PARD3B: variants seen among roughly 807,000 people sequenced by gnomAD.
The protein encoded by PARD3B is partitioning defective 3 homolog B.
In PARD3B, 103 loss-of-function variants were observed where a neutral mutation model predicts 130.2. The ratio of observed to expected loss-of-function variants is 0.79; its 90% CI spans 0.67 to 0.93. PARD3B has a LOEUF of 0.93. PARD3B is among the 40% of genes least tolerant of loss of function. PARD3B has a pLI of 0.00. For synonymous variants in PARD3B, 583 were observed against 553.2 expected (o/e 1.05, Z -0.76); for missense variants, 1,609 against 1,499.2 (o/e 1.07, Z -1.21).
At chr2:205,608,774 T>G (rs1559266759) in intron 22 of PARD3B, among the ~76,000 whole-genome samples, 2 of 152,246 alleles carry the variant, frequency 1.3e-5, no homozygotes, top group Admixed American at 6.5e-5. Context: ...AACTCAATTC[T>G]TGTATTTGTG....
chr2:204,927,001 T>G (rs1236761245), intron 2 of PARD3B, among the ~76,000 whole-genome samples: 1 of 152,054 alleles, frequency 6.6e-6, no homozygotes, highest in Non-Finnish European at 1.5e-5. Flanking sequence ...ATGTTTGGGA[T>G]TATAGGCAGA....
chr2:204,977,580 C>T (rs1281145525), intron 3 of PARD3B, among the ~76,000 whole-genome samples: 3 of 151,918 alleles, frequency 2.0e-5, no homozygotes, highest in South Asian at 4.2e-4. Context: ...GAGGCCTAGG[C>T]GGGTGGATCA....
intron 16 of PARD3B, 87 bp downstream of exon 16, chr2:205,245,909 A>C: frequency 9.0e-7 from 1 of 1,107,234 alleles, no homozygotes. Flanking sequence ...GTTTCTATCC[A>C]CTAGTCACTG....
chr2:205,246,609 A>T (rs866865644), intron 16 of PARD3B, among the ~76,000 whole-genome samples: 5 of 152,270 alleles, frequency 3.3e-5, no homozygotes, highest in African/African-American at 1.2e-4. Context: ...CAACAGAAGG[A>T]TTATGATTTT....
intron 3 of PARD3B, among the ~76,000 whole-genome samples, chr2:205,041,357 C>T (rs886452340): frequency 2.6e-5 from 4 of 152,182 alleles, no homozygotes; most frequent in Admixed American, 6.5e-5. Context: ...CAAATCATAG[C>T]AGTTGCCAAA....
At chr2:205,087,858 G>A (rs1159849131) in intron 4 of PARD3B, among the ~76,000 whole-genome samples, 2 of 152,268 alleles carry the variant, frequency 1.3e-5, no homozygotes, top group Non-Finnish European at 2.9e-5. Flanking sequence ...TAGCTATTCA[G>A]ACAGAATGGG....
chr2:204,948,790 A>G (rs182123352), intron 2 of PARD3B, among the ~76,000 whole-genome samples: 53 of 152,332 alleles, frequency 3.5e-4, no homozygotes, highest in Admixed American at 3.5e-3. Context: ...GATTCACTAT[A>G]TGAAACCATT....
chr2:204,695,873 A>G (rs552216389), intron 2 of PARD3B, among the ~76,000 whole-genome samples: 1 of 152,104 alleles, frequency 6.6e-6, no homozygotes, highest in East Asian at 1.9e-4. Context: ...GTTAGTGCTG[A>G]GAGTATAGGG....
chr2:205,508,174 G>C (rs1019345929), intron 21 of PARD3B, among the ~76,000 whole-genome samples: 1 of 152,156 alleles, frequency 6.6e-6, no homozygotes, highest in Non-Finnish European at 1.5e-5. Context: ...TTTACATAGA[G>C]TTGCTCTGTT....
intron 4 of PARD3B, among the ~76,000 whole-genome samples, chr2:205,063,444 G>T (rs1047936614): frequency 6.6e-6 from 1 of 152,024 alleles, no homozygotes; most frequent in Non-Finnish European, 1.5e-5. Flanking sequence ...AGGACCAAAG[G>T]ATGCAGGTAG....
At chr2:205,404,710 G>A (rs142474161) in intron 19 of PARD3B, among the ~76,000 whole-genome samples, 68 of 151,184 alleles carry the variant, frequency 4.5e-4, no homozygotes, top group Middle Eastern at 3.4e-3. Context: ...ACAAGGTCTC[G>A]CGCTACGTTG....
chr2:204,905,300 C>G (rs2047005004), intron 2 of PARD3B, among the ~76,000 whole-genome samples: 1 of 152,098 alleles, frequency 6.6e-6, no homozygotes, highest in African/African-American at 2.4e-5. Context: ...GCAGAATGGA[C>G]CACTTGGTGG....
chr2:204,894,413 A>G (rs1479856601), intron 2 of PARD3B, among the ~76,000 whole-genome samples: 3 of 152,058 alleles, frequency 2.0e-5, no homozygotes, highest in Non-Finnish European at 4.4e-5. Flanking sequence ...TTAACAAAAC[A>G]TGAAAGATAT....
chr2:205,067,095 CTTTTTTTTTTTTTTTTT>C (rs10672449), intron 4 of PARD3B, among the ~76,000 whole-genome samples: 1 of 59,712 alleles, frequency 1.7e-5, no homozygotes, highest in African/African-American at 7.3e-5. Context: ...TTTTACTAGG[CTTTTTTTTTTTTTTTTT>C]TTTTTTTTTT....
intron 20 of PARD3B, among the ~76,000 whole-genome samples, chr2:205,452,222 C>T (rs960053356): frequency 6.6e-6 from 1 of 152,122 alleles, no homozygotes; most frequent in Non-Finnish European, 1.5e-5. Flanking sequence ...TTTCATTGAG[C>T]CATAGCATTG....
At chr2:205,505,174 G>A (rs887390029) in intron 21 of PARD3B, among the ~76,000 whole-genome samples, 13 of 151,888 alleles carry the variant, frequency 8.6e-5, no homozygotes, top group African/African-American at 3.1e-4. Flanking sequence ...CTCACCCGTA[G>A]GTGGGAATTG....
intron 3 of PARD3B, among the ~76,000 whole-genome samples, chr2:205,041,249 A>G (rs998845934): frequency 6.6e-6 from 1 of 152,144 alleles, no homozygotes; most frequent in African/African-American, 2.4e-5. Flanking sequence ...TTGAAAATCT[A>G]GTCTTTGGTT....
At chr2:205,302,034 G>A (rs1362991688) in intron 18 of PARD3B, 2 of 531,000 alleles carry the variant, frequency 3.8e-6, no homozygotes, top group Non-Finnish European at 6.6e-6. Flanking sequence ...GCAAGGTAGG[G>A]AGACCCTATT....
intron 3 of PARD3B, among the ~76,000 whole-genome samples, chr2:205,036,006 A>G (rs1697839575): frequency 6.9e-6 from 1 of 145,000 alleles, no homozygotes; most frequent in Non-Finnish European, 1.5e-5. Flanking sequence ...ATAATGGCCT[A>G]TTTTTATGTG....
Sources: gnomAD v4.1 joint callset for allele counts (sites outside exome capture counted in the v4.1 genomes callset) on GRCh38, gnomAD v4.1.1 for gene constraint, MANE v1.5 for transcripts, NCBI Gene and HGNC (gene_info 2026-07-23, HGNC 2026-07-21) for gene names.